The following DLGAP2 variants were observed in gnomAD, a reference collection of about 807,000 sequenced individuals.
The protein encoded by DLGAP2 is DLG associated protein 2.
DLGAP2 carries 26 observed loss-of-function variants against 100.3 expected under a neutral mutation model. The observed-to-expected ratio is 0.26, with a 90% CI of 0.19 to 0.36. The LOEUF is 0.36. Among genes scored for constraint, DLGAP2 ranks in the 10% least tolerant of loss-of-function variants. The pLI, the probability that DLGAP2 is intolerant of heterozygous loss-of-function variation, is 1.00. For missense variants in DLGAP2, 1,858 were observed against 1,453.2 expected (o/e 1.28, Z -4.53); for synonymous variants, 886 against 630.1 (o/e 1.41, Z -6.08).
intron 2 of DLGAP2, among the ~76,000 whole-genome samples, chr8:1,196,823 C>G (rs910878231): frequency 6.6e-5 from 10 of 152,116 alleles, no homozygotes; most frequent in African/African-American, 2.4e-4. Context: ...CTGCTCATCA[C>G]ACATACACCA....
chr8:1,601,068 T>A (rs1796608511), intron 6 of DLGAP2, among the ~76,000 whole-genome samples: 3 of 152,200 alleles, frequency 2.0e-5, no homozygotes, highest in Admixed American at 1.3e-4. Flanking sequence ...GTAGACGTCC[T>A]TTTTATTGAT....
At chr8:997,945 A>G (rs944601167) in intron 2 of DLGAP2, among the ~76,000 whole-genome samples, 6 of 152,030 alleles carry the variant, frequency 3.9e-5, no homozygotes, top group African/African-American at 1.5e-4. Context: ...CATACAGACA[A>G]ACACATCACA....
intron 3 of DLGAP2, among the ~76,000 whole-genome samples, chr8:1,426,568 T>A (rs7828990): frequency 0.21 from 32,547 of 152,102 alleles, 3,896 homozygotes; most frequent in Middle Eastern, 0.29. Flanking sequence ...GAAAGGGTTC[T>A]GCTGTTGCCT....
intron 4 of DLGAP2, among the ~76,000 whole-genome samples, chr8:1,505,883 A>G (rs778452649): frequency 1.3e-5 from 2 of 152,240 alleles, no homozygotes; most frequent in Non-Finnish European, 2.9e-5. Context: ...GCATCTATGA[A>G]GAGTGCTATA....
chr8:1,066,993 C>T (rs1354491056), intron 2 of DLGAP2, among the ~76,000 whole-genome samples: 1 of 151,822 alleles, frequency 6.6e-6, no homozygotes, highest in African/African-American at 2.4e-5. Flanking sequence ...GCTGCCTGGG[C>T]CCCCCTGATG....
intron 3 of DLGAP2, among the ~76,000 whole-genome samples, chr8:1,437,456 G>A (rs1037468245): frequency 6.6e-6 from 1 of 152,192 alleles, no homozygotes; most frequent in Non-Finnish European, 1.5e-5. Flanking sequence ...AGCGTAAGAC[G>A]ATGTTTTCGG....
chr8:856,185 C>CTTCTTCT (rs777874707), intron 1 of DLGAP2, among the ~76,000 whole-genome samples: 4 of 130,558 alleles, frequency 3.1e-5, no homozygotes, highest in Admixed American at 2.3e-4. Flanking sequence ...TCTTCTTCTT[C>CTTCTTCT]TTTTTTTTTT....
intron 2 of DLGAP2, among the ~76,000 whole-genome samples, chr8:1,070,996 A>G (rs1803410899): frequency 6.6e-6 from 1 of 152,158 alleles, no homozygotes; most frequent in Non-Finnish European, 1.5e-5. Flanking sequence ...GGGGCATTTT[A>G]GCAAACAGTG....
chr8:1,316,935 C>G (rs1800768223), intron 3 of DLGAP2, among the ~76,000 whole-genome samples: 1 of 100,494 alleles, frequency 1.0e-5, no homozygotes. Context: ...GTGGTCTACA[C>G]TCGAGACACT....
chr8:866,191 C>G (rs1585950118), intron 1 of DLGAP2, among the ~76,000 whole-genome samples: 1 of 152,304 alleles, frequency 6.6e-6, no homozygotes, highest in East Asian at 1.9e-4. Flanking sequence ...CCTCAGCACC[C>G]TGACACCCCG....
intron 3 of DLGAP2, among the ~76,000 whole-genome samples, chr8:1,500,764 C>A (rs115750685): frequency 1.3e-5 from 2 of 152,254 alleles, no homozygotes; most frequent in African/African-American, 4.8e-5. Context: ...TGTGTTAGCA[C>A]AGATCGAACA....
intron 3 of DLGAP2, among the ~76,000 whole-genome samples, chr8:1,332,902 A>T (rs1801190574): frequency 6.6e-6 from 1 of 152,122 alleles, no homozygotes; most frequent in African/African-American, 2.4e-5. Flanking sequence ...TGTGTCTGGG[A>T]GTGGGACCAC....
chr8:874,446 T>C (rs1239343203), intron 1 of DLGAP2, among the ~76,000 whole-genome samples: 2 of 152,192 alleles, frequency 1.3e-5, no homozygotes, highest in African/African-American at 4.8e-5. Flanking sequence ...TCCTTTGGGA[T>C]TTGTTCTTTG....
intron 4 of DLGAP2, among the ~76,000 whole-genome samples, chr8:1,535,161 C>G (rs1415527256): frequency 6.6e-6 from 1 of 152,208 alleles, no homozygotes; most frequent in African/African-American, 2.4e-5. Flanking sequence ...CGACAGATGC[C>G]CAGAAGTCCC....
intron 3 of DLGAP2, among the ~76,000 whole-genome samples, chr8:1,436,990 C>A (rs570240562): frequency 6.6e-6 from 1 of 152,248 alleles, no homozygotes; most frequent in African/African-American, 2.4e-5. Context: ...CTATGCCGTT[C>A]GGCCCAGGCG....
chr8:1,217,844 C>G (rs928420089), intron 2 of DLGAP2, among the ~76,000 whole-genome samples: 1 of 152,058 alleles, frequency 6.6e-6, no homozygotes, highest in Non-Finnish European at 1.5e-5. Context: ...ATATGCATTT[C>G]TATAATGAGT....
At chr8:1,146,819 A>G (rs1465130521) in intron 2 of DLGAP2, among the ~76,000 whole-genome samples, 1 of 152,228 alleles carries the variant, frequency 6.6e-6, no homozygotes, top group Non-Finnish European at 1.5e-5. Flanking sequence ...GTCCCCACAC[A>G]AGGGTAGGCC....
intron 1 of DLGAP2, among the ~76,000 whole-genome samples, chr8:769,961 C>G (rs751778291): frequency 1.5e-5 from 2 of 134,978 alleles, no homozygotes; most frequent in Non-Finnish European, 3.3e-5. Flanking sequence ...ACTTGTGCAG[C>G]TCTACACAGG....
intron 2 of DLGAP2, among the ~76,000 whole-genome samples, chr8:961,573 C>G (rs903288528): frequency 1.8e-4 from 27 of 152,332 alleles, no homozygotes; most frequent in African/African-American, 6.0e-4. Flanking sequence ...GGCTGTGCAA[C>G]AGTGGGACCT....
Sources: allele counts gnomAD v4.1 joint callset (sites outside exome capture counted in the v4.1 genomes callset), GRCh38; gene constraint gnomAD v4.1.1; transcripts MANE v1.5; gene names NCBI Gene and HGNC (gene_info 2026-07-23, HGNC 2026-07-21).